Variants in NAALADL2 observed in about 807,000 individuals in gnomAD.
The protein encoded by NAALADL2 is N-acetylated alpha-linked acidic dipeptidase like 2.
In NAALADL2, 76 loss-of-function variants were observed where a neutral mutation model predicts 87.2. That is an observed-to-expected ratio of 0.87 (90% CI 0.72 to 1.05). The LOEUF (loss-of-function observed/expected upper bound fraction) is 1.05, where lower values mean the gene tolerates loss of function less well. Ranked by LOEUF, NAALADL2 falls within the 50% of genes least tolerant of loss-of-function variation. The pLI, the probability that NAALADL2 is intolerant of heterozygous loss-of-function variation, is 0.00. For synonymous variants in NAALADL2, 354 were observed against 331.0 expected, an observed-to-expected ratio of 1.07 and a Z score of -0.75; for missense variants, 1,089 against 945.8, an observed-to-expected ratio of 1.15 and a Z score of -1.99.
chr3:175,107,447 T>C (rs1162996427), intron 2 of NAALADL2, among the ~76,000 whole-genome samples: 2 of 151,862 alleles, frequency 1.3e-5, no homozygotes, highest in Non-Finnish European at 2.9e-5. Context: ...TTCACAATTG[T>C]GTGAGTCAAC....
rs376667441 is a variant in NAALADL2 at position 175,104,615 on chromosome 3, G to C, written c.545+7324G>C. On this transcript the variant is annotated intron_variant, in intron 2 of 13. Coordinates refer to ENST00000454872, the MANE Select transcript of NAALADL2 (RefSeq NM_207015.3). ...CTAATTTCAGTATTAAAATGAATGA[G>C]AGTAGGAAGATTGGGAGACATGAAG... 6.6e-5 allele frequency among the ~76,000 whole-genome samples: 10 copies of C among 152,156 alleles called. No individual in the cohort carries two copies. The East Asian group carries it at 1.7e-3, about 26-fold the overall frequency.
At chr3:174,795,547 T>C (rs1223871766) in intron 3 of NAALADL2, among the ~76,000 whole-genome samples, 1 of 152,188 alleles carries the variant, frequency 6.6e-6, no homozygotes, top group Admixed American at 6.6e-5. Context: ...TTTTCTTAAG[T>C]ATATATTTAG....
intron 1 of NAALADL2, among the ~76,000 whole-genome samples, chr3:174,888,628 C>T (rs1055946062): frequency 2.6e-5 from 4 of 152,180 alleles, no homozygotes; most frequent in Admixed American, 6.5e-5. Flanking sequence ...GAAGTAGTGA[C>T]TCCTATCATT....
intron 3 of NAALADL2, among the ~76,000 whole-genome samples, chr3:174,795,925 C>T (rs959070516): frequency 1.6e-4 from 25 of 152,130 alleles, no homozygotes; most frequent in African/African-American, 6.0e-4. Flanking sequence ...TATCTGCATA[C>T]ACATTTTTTG....
At chr3:174,736,895 T>A (rs1458983493) in intron 2 of NAALADL2, among the ~76,000 whole-genome samples, 1 of 152,198 alleles carries the variant, frequency 6.6e-6, no homozygotes, top group Non-Finnish European at 1.5e-5. Context: ...CCTGTGCTTG[T>A]TGGTGCCCAA....
intron 2 of NAALADL2, among the ~76,000 whole-genome samples, chr3:175,197,145 G>T (rs192207403): frequency 1.3e-5 from 2 of 152,000 alleles, no homozygotes; most frequent in Admixed American, 1.3e-4. Flanking sequence ...AGCAACAGGA[G>T]GTGGCTACAA....
At chr3:175,672,606 G>A (rs186890785) in intron 11 of NAALADL2, among the ~76,000 whole-genome samples, 99 of 152,254 alleles carry the variant, frequency 6.5e-4, no homozygotes, top group Admixed American at 5.0e-3. Flanking sequence ...AATAGAAGAA[G>A]CAGCCAGTTA....
At chr3:175,782,717 C>T (rs1751322891) in intron 13 of NAALADL2, among the ~76,000 whole-genome samples, 1 of 135,138 alleles carries the variant, frequency 7.4e-6, no homozygotes, top group African/African-American at 3.2e-5. Flanking sequence ...TAATTAGATC[C>T]CATTTGTCAA....
chr3:175,627,153 A>C (rs1727098344), intron 10 of NAALADL2, 138 bp from the exon 11 acceptor site: 1 of 652,568 alleles, frequency 1.5e-6, no homozygotes. Flanking sequence ...TAGTTAGATC[A>C]GGAGAATGAA....
intron 11 of NAALADL2, among the ~76,000 whole-genome samples, chr3:175,707,891 G>T (rs1739950822): frequency 6.6e-6 from 1 of 151,840 alleles, no homozygotes; most frequent in Non-Finnish European, 1.5e-5. Context: ...AAAAACTGTG[G>T]GCCAAAGGGA....
At chr3:175,604,241 C>T (rs960349304) in intron 10 of NAALADL2, among the ~76,000 whole-genome samples, 2 of 150,924 alleles carry the variant, frequency 1.3e-5, no homozygotes, top group Admixed American at 6.6e-5. Context: ...ATAGTAGCAT[C>T]GTAATAAGTG....
intron 2 of NAALADL2, among the ~76,000 whole-genome samples, chr3:174,633,329 C>T (rs898981451): frequency 4.6e-5 from 7 of 151,944 alleles, no homozygotes; most frequent in African/African-American, 1.5e-4. Context: ...ACTGATAAAG[C>T]CTTTATGTTT....
At chr3:175,636,793 A>G (rs1371605327) in intron 11 of NAALADL2, among the ~76,000 whole-genome samples, 1 of 152,098 alleles carries the variant, frequency 6.6e-6, no homozygotes, top group Non-Finnish European at 1.5e-5. Context: ...AAGCATGTAT[A>G]TTAGCTGATA....
intron 11 of NAALADL2, among the ~76,000 whole-genome samples, chr3:175,629,144 A>G (rs1413356715): frequency 1.3e-5 from 2 of 148,636 alleles, no homozygotes; most frequent in East Asian, 1.9e-4. Flanking sequence ...ATATATATGG[A>G]CATATATATC....
At chr3:175,723,869 C>T (rs1282484565) in intron 11 of NAALADL2, among the ~76,000 whole-genome samples, 4 of 152,094 alleles carry the variant, frequency 2.6e-5, no homozygotes, top group Non-Finnish European at 4.4e-5. Flanking sequence ...CTCTCCACCT[C>T]TCTAAATTGT....
At chr3:174,634,737 T>C (rs1722463909) in intron 2 of NAALADL2, among the ~76,000 whole-genome samples, 1 of 152,216 alleles carries the variant, frequency 6.6e-6, no homozygotes, top group Non-Finnish European at 1.5e-5. Context: ...TTAATTTCTT[T>C]ATTTTGGATA....
intron 9 of NAALADL2, among the ~76,000 whole-genome samples, chr3:175,533,345 T>G (rs1307704398): frequency 6.6e-6 from 1 of 152,166 alleles, no homozygotes; most frequent in African/African-American, 2.4e-5. Flanking sequence ...GGGACTTTAG[T>G]CTAGTTATAG....
intron 1 of NAALADL2, among the ~76,000 whole-genome samples, chr3:174,946,869 G>C (rs1390614810): frequency 1.3e-5 from 2 of 152,218 alleles, no homozygotes; most frequent in East Asian, 3.9e-4. Context: ...TTGAACATAT[G>C]AACATTTCTA....
chr3:174,516,863 T>C (rs1472021513), intron 1 of NAALADL2, among the ~76,000 whole-genome samples: 1 of 151,964 alleles, frequency 6.6e-6, no homozygotes. Context: ...AATGTTGTTA[T>C]ATATACAAAG....
Sources: allele counts gnomAD v4.1 joint callset (sites outside exome capture counted in the v4.1 genomes callset), GRCh38; gene constraint gnomAD v4.1.1; transcripts MANE v1.5; gene names NCBI Gene and HGNC (gene_info 2026-07-23, HGNC 2026-07-21).